The following DOCK9 variants were observed in gnomAD, a reference collection of about 807,000 sequenced individuals.
DOCK9 encodes dedicator of cytokinesis protein 9.
A neutral mutation model predicts 263.3 loss-of-function variants in DOCK9; 89 were observed. That is an observed-to-expected ratio of 0.34 (90% CI 0.28 to 0.40). The LOEUF is 0.40. DOCK9 is among the 10% of genes least tolerant of loss of function. The pLI is 1.00. For missense variants in DOCK9, 2,140 were observed against 2,603.4 expected (o/e 0.82, Z 3.87); for synonymous variants, 976 against 973.1 (o/e 1.00, Z -0.06).
At chr13:99,002,756 C>T (rs576682932) in intron 1 of DOCK9, among the ~76,000 whole-genome samples, 6 of 152,202 alleles carry the variant, frequency 3.9e-5, no homozygotes, top group South Asian at 4.1e-4. Context: ...TCAGCTGACA[C>T]GCAGGACTCT....
chr13:98,796,248 G>A (rs1169320023), intron 52 of DOCK9: 7 of 1,568,912 alleles, frequency 4.5e-6, no homozygotes, highest in East Asian at 4.6e-5. Flanking sequence ...AAAAAAGCAA[G>A]TGAGTTAAAG....
chr13:98,965,138 C>T (rs993119361), intron 1 of DOCK9, among the ~76,000 whole-genome samples: 23 of 152,002 alleles, frequency 1.5e-4, no homozygotes, highest in African/African-American at 5.1e-4. Context: ...GGTAGGGCCA[C>T]AGTAAGAAGG....
intron 27 of DOCK9, among the ~76,000 whole-genome samples, chr13:98,870,002 T>C (rs1205216463): frequency 6.6e-6 from 1 of 152,212 alleles, no homozygotes; most frequent in East Asian, 1.9e-4. Context: ...CCAAACTGCC[T>C]ACCAACTCAT....
At chr13:99,044,676 G>T (rs10492574) in intron 1 of DOCK9, among the ~76,000 whole-genome samples, 41,488 of 152,158 alleles carry the variant, frequency 0.27, 6,031 homozygotes, top group East Asian at 0.43. Context: ...AGAACAAAAA[G>T]CTACGGAGCT....
chr13:98,810,851 A>T (rs1466394997), intron 45 of DOCK9, among the ~76,000 whole-genome samples: 1 of 152,228 alleles, frequency 6.6e-6, no homozygotes, highest in East Asian at 1.9e-4. Flanking sequence ...CCATGGCTTA[A>T]GAATTGTGGC....
At chr13:98,909,354 T>C (rs1181428700) in intron 9 of DOCK9, among the ~76,000 whole-genome samples, 1 of 152,220 alleles carries the variant, frequency 6.6e-6, no homozygotes, top group East Asian at 1.9e-4. Context: ...TTCCAGAAAG[T>C]CTGCTGTAGG....
Position 98,800,432 on chromosome 13 carries a change from G to A in DOCK9, c.5772C>T (p.Tyr1924=). The A allele has an allele frequency of 6.2e-7, 1 of 1,614,006 alleles. No individual in the cohort carries two copies. Among genetic ancestry groups the A allele is most frequent in the Admixed American group, 1.7e-5 (1 of 60,018 alleles). ...TGGGGTTCAGGTCAGTGTGGTGCTG[G>A]TACATGACAGGGATGCGCTTCTTCA... The part of the protein sequence containing the change: ...PYVKKRIPVM[Y]QHHTDLNPIE... Residue 1924 remains tyrosine, a synonymous_variant, in exon 50 of 53, where the codon TAC becomes TAT. Transcript: ENST00000682017.
chr13:98,994,926 T>C (rs1284555637), intron 1 of DOCK9, among the ~76,000 whole-genome samples: 1 of 152,236 alleles, frequency 6.6e-6, no homozygotes, highest in African/African-American at 2.4e-5. Flanking sequence ...GTTTTACTTT[T>C]CTGTTCACTT....
intron 52 of DOCK9, 130 bp downstream of exon 52, chr13:98,796,985 G>A (rs139682716): frequency 1.1e-6 from 1 of 934,264 alleles, no homozygotes; most frequent in Non-Finnish European, 1.6e-6. Flanking sequence ...CATGGCAGGA[G>A]TGTGGTATGC....
intron 15 of DOCK9, among the ~76,000 whole-genome samples, chr13:98,890,255 C>G (rs1369429670): frequency 6.6e-6 from 1 of 152,184 alleles, no homozygotes; most frequent in African/African-American, 2.4e-5. Context: ...AGAACAGGCT[C>G]CTTCCCAAGT....
In DOCK9 at chr13:98,902,383, C is replaced by T. The variant is rs746368044; in HGVS notation, c.1285G>A (p.Ala429Thr). The part of the protein sequence containing the change: ...LNHFSVRQML[A>T]TTSPALMNGS... ...TTCATCAGCGCCGGGGACGTGGTGG[C>T]GAGCATTTGCCTCACTGAGAAATGG... The change falls in exon 12 of 53, where the codon GCC becomes ACC. Residue 429 changes from alanine to threonine, a missense_variant. By Grantham distance (58) the Ala-to-Thr change is moderately conservative. Around this residue, in one of 2 missense-constraint regions of DOCK9, gnomAD observed 1,521 missense variants for 1,741.7 expected, o/e 0.87. Coordinates refer to ENST00000682017, the MANE Select transcript of DOCK9 (RefSeq NM_001366683.2). The T allele has an allele frequency of 6.2e-6, 10 of 1,613,840 alleles. No individual in the cohort carries two copies. Among genetic ancestry groups the T allele is most frequent in the Non-Finnish European group, 7.6e-6 (9 of 1,179,884 alleles).
Position 98,810,183 on chromosome 13 carries a change from G to C in DOCK9, c.5239C>G (p.Arg1747Gly), listed in dbSNP as rs763378979. ...YKLIIPIYEK[R>G]RDFERLAHLY... is the part of the protein sequence containing the mutation. Reference sequence around the variant, plus strand: ...CACTCTCATACCTCAAAATCCCTCCGCTTCTCATAAATGGGGATGATAAGT... The same window carrying C: ...CACTCTCATACCTCAAAATCCCTCCCCTTCTCATAAATGGGGATGATAAGT... The change falls in exon 46 of 53, where the codon CGG (arginine) becomes GGG (glycine). Residue 1747 changes from arginine (R) to glycine (G), a missense_variant. By Grantham distance (125) the Arg-to-Gly change is moderately radical. Around this residue, in one of 2 missense-constraint regions of DOCK9, gnomAD observed 619 missense variants for 861.8 expected, o/e 0.72. Coordinates refer to ENST00000682017, the MANE Select transcript of DOCK9 (RefSeq NM_001366683.2). The C allele has an allele frequency of 6.2e-7, 1 of 1,613,878 alleles. No homozygotes were observed. Among genetic ancestry groups the C allele is most frequent in the South Asian group, 1.1e-5 (1 of 91,074 alleles).
At chr13:98,901,141 G>A (rs1181940666) in intron 13 of DOCK9, among the ~76,000 whole-genome samples, 5 of 152,198 alleles carry the variant, frequency 3.3e-5, no homozygotes, top group Admixed American at 6.5e-5. Flanking sequence ...ACTAAGCCTT[G>A]GTGAGCCTCA....
chr13:98,837,396 T>C, intron 39 of DOCK9, 98 bp downstream of exon 39: 2 of 772,436 alleles, frequency 2.6e-6, no homozygotes, highest in Non-Finnish European at 2.2e-6. Flanking sequence ...ATTGCTGAAG[T>C]AAAAATGCAA....
intron 1 of DOCK9, among the ~76,000 whole-genome samples, chr13:99,026,624 AATTC>A (rs1160553078): frequency 6.6e-6 from 1 of 152,192 alleles, no homozygotes; most frequent in East Asian, 1.9e-4. Flanking sequence ...CATCTATCCC[AATTC>A]ATTCAAAGAA....
chr13:98,844,991 G>A (rs1247737270), intron 38 of DOCK9, among the ~76,000 whole-genome samples: 3 of 152,196 alleles, frequency 2.0e-5, no homozygotes, highest in Non-Finnish European at 4.4e-5. Flanking sequence ...GCTTGGAGAA[G>A]AGATGGAACA....
At chr13:98,888,104 T>G in intron 18 of DOCK9, 54 bp downstream of exon 18, 1 of 1,328,050 alleles carries the variant, frequency 7.5e-7, no homozygotes, top group Non-Finnish European at 1.0e-6. Context: ...AAGTGCATTT[T>G]GAAAATGGAA....
At chr13:98,915,894 T>C (rs1181415876) in intron 7 of DOCK9, among the ~76,000 whole-genome samples, 2 of 152,218 alleles carry the variant, frequency 1.3e-5, no homozygotes, top group African/African-American at 2.4e-5. Context: ...TGAAATTTCA[T>C]GTAAAATTTT....
intron 45 of DOCK9, among the ~76,000 whole-genome samples, chr13:98,816,155 A>G (rs1184919880): frequency 6.6e-6 from 1 of 152,208 alleles, no homozygotes; most frequent in East Asian, 1.9e-4. Context: ...TTTAGTTTCT[A>G]TAATTTATAA....
Sources: allele counts gnomAD v4.1 joint callset (sites outside exome capture counted in the v4.1 genomes callset), GRCh38; gene constraint gnomAD v4.1.1; regional missense constraint gnomAD v4.1.1; transcripts MANE v1.5; gene names NCBI Gene and HGNC (gene_info 2026-07-23, HGNC 2026-07-21).